GOLGA3: variants seen among roughly 807,000 people sequenced by gnomAD.
GOLGA3 encodes the protein golgin subfamily A member 3.
Under a neutral mutation model 169.4 loss-of-function variants are expected in GOLGA3, and 75 were observed. The ratio of observed to expected loss-of-function variants is 0.44; its 90% CI spans 0.37 to 0.54. The LOEUF is 0.54. GOLGA3 is among the 20% of genes least tolerant of loss of function. The pLI is 0.00. For synonymous variants in GOLGA3, 824 were observed against 822.4 expected (o/e 1.00, Z -0.03); for missense variants, 1,899 against 1,930.0 (o/e 0.98, Z 0.30).
At chr12:132,781,294 G>A (rs1432909792) in intron 17 of GOLGA3, among the ~76,000 whole-genome samples, 2 of 152,166 alleles carry the variant, frequency 1.3e-5, no homozygotes, top group African/African-American at 2.4e-5. Context: ...GGGCGCGGTG[G>A]CTCACACCTG....
intron 20 of GOLGA3, 39 bp downstream of exon 20, chr12:132,776,919 G>GAGTCCAGCCCTGCA (rs751553403): frequency 6.4e-7 from 1 of 1,551,724 alleles, no homozygotes; most frequent in South Asian, 1.2e-5. Context: ...GGGCACCCGT[G>GAGTCCAGCCCTGCA]AGTCCAGCCC....
intron 3 of GOLGA3, among the ~76,000 whole-genome samples, chr12:132,814,996 T>C (rs979755708): frequency 6.6e-6 from 1 of 152,174 alleles, no homozygotes; most frequent in Admixed American, 6.5e-5. Context: ...TAGGAAAGCA[T>C]AATCACACAG....
In GOLGA3 at chr12:132,771,016, T is replaced by C. The variant is rs1395061951; in HGVS notation, c.*2089A>G. 1 of 152,626 alleles carries C rather than the reference T, an allele frequency of 6.6e-6. No individual in the cohort carries two copies. The highest frequency in any genetic ancestry group is 2.4e-5 in the African/African-American group (1 of 41,456). The allele number at this position is 152,626 out of a possible 1,614,324, so 9.5% of individuals were successfully genotyped here. On this transcript the variant is annotated 3_prime_UTR_variant, in exon 24 of 24. Coordinates refer to ENST00000450791, the MANE Select transcript of GOLGA3 (RefSeq NM_001389683.1). Reference sequence around the variant, plus strand: ...ACGTAAATTGCCGTATTTTTTTTTCTAATGGTACAAGAACAATTTAGTAAA... The same window carrying C: ...ACGTAAATTGCCGTATTTTTTTTTCCAATGGTACAAGAACAATTTAGTAAA...
At chr12:132,799,337 C>A (rs939307365) in intron 8 of GOLGA3, among the ~76,000 whole-genome samples, 1 of 152,144 alleles carries the variant, frequency 6.6e-6, no homozygotes, top group Non-Finnish European at 1.5e-5. Context: ...GAATGCTGAA[C>A]CTGGGTTCCA....
At position 132,789,168 on chromosome 12, in the gene GOLGA3, C is replaced by T. The variant is rs2046090939; in HGVS notation, c.2670G>A (p.Val890=). ...LKELRQELMQ[V]HGEKRTAEAE... ...CCTCGGCAGTCCGCTTCTCCCCGTG[C>T]ACTTGCATCAGCTCCTGCCGCAGCT... The change falls in exon 13 of 24, where the codon GTG becomes GTA. Residue 890 remains valine (V), a synonymous_variant. Transcript: ENST00000450791. The T allele has an allele frequency of 1.2e-6, 2 of 1,612,178 alleles. No individual in the cohort carries two copies. The highest frequency in any genetic ancestry group is 2.2e-5 in the East Asian group (1 of 44,892).
chr12:132,796,080 G>A lies in GOLGA3; in HGVS notation c.2241C>T (p.Tyr747=), dbSNP rs770636751. 75 of 1,612,888 alleles carry A rather than the reference G, an allele frequency of 4.7e-5. No homozygotes were observed. Among genetic ancestry groups the A allele is most frequent in the Middle Eastern group, 1.6e-4 (1 of 6,084 alleles). The change falls in exon 11 of 24, where the codon TAC becomes TAT. Residue 747 remains tyrosine, a synonymous_variant. Coordinates refer to ENST00000450791, the MANE Select transcript of GOLGA3 (RefSeq NM_001389683.1). ...CCCCCAGCCTGGCCTGCAGCTCATC[G>A]TAGTGTGTCTGCAGGGCATCGAGGG... ...EQSLDALQTH[Y]DELQARLGEL...
chr12:132,811,825 A>C, intron 4 of GOLGA3: 1 of 965,348 alleles, frequency 1.0e-6, no homozygotes, highest in Non-Finnish European at 1.2e-6. Context: ...CATTTTATTG[A>C]TCTTCTTCTA....
Position 132,798,471 on chromosome 12 carries a change from G to A in GOLGA3, c.1807C>T (p.Gln603Ter). Residue 603 changes from glutamine (Q) to a stop codon, truncating the protein, a stop_gained, in exon 9 of 24, where the codon CAG becomes TAG. Coordinates refer to ENST00000450791, the MANE Select transcript of GOLGA3 (RefSeq NM_001389683.1). LOFTEE classifies it high-confidence loss of function. ...TCCAGGAGACCTGCCTGGGTCATCT[G>A]TCCAACCTTAAAAAAAAAACCCACA... ...QGEMAHIQVG[Q>*]MTQAGLLEHL... 1.3e-6 allele frequency: 2 copies of A among 1,590,388 alleles called. No individual in the cohort carries two copies. Among genetic ancestry groups the A allele is most frequent in the Non-Finnish European group, 1.7e-6 (2 of 1,173,878 alleles).
intron 23 of GOLGA3, 118 bp from the exon 24 acceptor site, chr12:132,773,412 GC>G (rs1566062224): frequency 1.8e-6 from 1 of 560,094 alleles, no homozygotes; most frequent in African/African-American, 1.9e-5. Context: ...TCGGGGATCC[GC>G]AAACCAACTG....
intron 11 of GOLGA3, among the ~76,000 whole-genome samples, chr12:132,792,543 C>T (rs1013094317): frequency 2.6e-5 from 4 of 152,214 alleles, no homozygotes; most frequent in African/African-American, 9.7e-5. Context: ...AAATGCAGAG[C>T]CTCGGGCCCC....
chr12:132,786,637 G>GC, intron 14 of GOLGA3, 56 bp downstream of exon 14: 1 of 312,568 alleles, frequency 3.2e-6, no homozygotes, highest in Admixed American at 9.1e-5. Flanking sequence ...CCTCCCCCCC[G>GC]GCCCCCGCAC....
In GOLGA3 at chr12:132,804,312, C is replaced by T. The variant is rs1949276045; in HGVS notation, c.1597+404G>A. Among the ~76,000 whole-genome samples the T allele has an allele frequency of 6.6e-6, 1 of 152,250 alleles. No homozygotes were observed. The highest frequency in any genetic ancestry group is 1.5e-5 in the Non-Finnish European group (1 of 68,048). On this transcript the variant is annotated intron_variant, in intron 7 of 23. Coordinates refer to ENST00000450791, the MANE Select transcript of GOLGA3 (RefSeq NM_001389683.1). The surrounding 1 kb of genome is among the most constrained non-coding windows in gnomAD (Gnocchi z 4.1). ...TTTTGAGGCAGGATCACCGCAGATA[C>T]TCCAGGGTCCAAGGTCAATCTCCAA...
intron 2 of GOLGA3, among the ~76,000 whole-genome samples, 169 bp downstream of exon 2, chr12:132,821,827 C>T (rs1173599119): frequency 2.2e-4 from 32 of 143,454 alleles, no homozygotes; most frequent in African/African-American, 7.1e-4. Context: ...GCAGTCCAGC[C>T]TGGGCGAAAG....
At chr12:132,818,783 G>A (rs1355880622) in intron 2 of GOLGA3, among the ~76,000 whole-genome samples, 1 of 152,022 alleles carries the variant, frequency 6.6e-6, no homozygotes, top group East Asian at 1.9e-4. Context: ...GCGAAGAGGT[G>A]GATGATGTCA....
At chr12:132,790,765 G>A (rs1157882788) in intron 12 of GOLGA3, among the ~76,000 whole-genome samples, 1 of 151,712 alleles carries the variant, frequency 6.6e-6, no homozygotes, top group East Asian at 1.9e-4. Flanking sequence ...AAGTTAAAGA[G>A]GGCCGGGCGC....
intron 3 of GOLGA3, among the ~76,000 whole-genome samples, chr12:132,815,586 T>G (rs941001133): frequency 2.0e-5 from 3 of 152,234 alleles, no homozygotes; most frequent in Non-Finnish European, 4.4e-5. Flanking sequence ...GTTATTTAGT[T>G]TTAAGAAATT....
intron 18 of GOLGA3, among the ~76,000 whole-genome samples, chr12:132,779,102 C>T (rs948006970): frequency 3.3e-5 from 5 of 151,696 alleles, no homozygotes; most frequent in African/African-American, 7.3e-5. Context: ...TTTTTTGAGA[C>T]GGAGTTTCCC....
intron 1 of GOLGA3, among the ~76,000 whole-genome samples, chr12:132,825,255 C>T (rs1430853744): frequency 2.0e-5 from 3 of 152,170 alleles, no homozygotes; most frequent in East Asian, 1.9e-4. Flanking sequence ...TGTGCCTGCG[C>T]GTGCAGACCC....
chr12:132,800,560 T>G (rs1949082333), intron 8 of GOLGA3, among the ~76,000 whole-genome samples: 1 of 152,140 alleles, frequency 6.6e-6, no homozygotes, highest in Non-Finnish European at 1.5e-5. Context: ...ACTCTAGATG[T>G]AAAAGGAACA....
Sources: allele counts gnomAD v4.1 joint callset (sites outside exome capture counted in the v4.1 genomes callset), GRCh38; gene constraint gnomAD v4.1.1; non-coding constraint Gnocchi (gnomAD v3.1); transcripts MANE v1.5; gene names NCBI Gene and HGNC (gene_info 2026-07-23, HGNC 2026-07-21).